GAS6: variants seen among roughly 807,000 people sequenced by gnomAD.
GAS6 encodes growth arrest-specific protein 6.
A neutral mutation model predicts 75.8 loss-of-function variants in GAS6; 41 were observed. The ratio of observed to expected loss-of-function variants is 0.54; its 90% CI spans 0.42 to 0.70. The LOEUF is 0.70. Ranked by LOEUF, GAS6 falls within the 30% of genes least tolerant of loss-of-function variation. The pLI, the probability that GAS6 is intolerant of heterozygous loss-of-function variation, is 0.00. For missense variants in GAS6, 854 were observed against 940.2 expected (o/e 0.91, Z 1.20); for synonymous variants, 432 against 412.6 (o/e 1.05, Z -0.57).
At chr13:113,842,747 G>T (rs1284799435) in intron 4 of GAS6, 2 of 397,080 alleles carry the variant, frequency 5.0e-6, no homozygotes, top group Non-Finnish European at 8.8e-6. Context: ...ATGTCTGGGG[G>T]ATGCTGTGCG....
Position 113,835,212 on chromosome 13 carries a change from G to A in GAS6, c.712+301C>T, listed in dbSNP as rs995814432. ...AGTAGAGGGAGGCTTGCTGCTCCCC[G>A]TCCCTTTGGGGAGAGGCCCCGTCTA... On this transcript the variant is annotated intron_variant, in intron 7 of 14. Transcript: ENST00000327773. Among the ~76,000 whole-genome samples, 8 of 152,224 alleles carry A rather than the reference G, an allele frequency of 5.3e-5. No homozygotes were observed. In the South Asian group the frequency reaches 1.2e-3, roughly 24 times the overall value.
intron 8 of GAS6, chr13:113,833,500 C>A: frequency 2.0e-6 from 2 of 993,418 alleles, no homozygotes; most frequent in Non-Finnish European, 2.4e-6. Flanking sequence ...AGGCACAGGC[C>A]CAGGCTGAAG....
intron 2 of GAS6, among the ~76,000 whole-genome samples, chr13:113,858,865 G>A (rs1051778150): frequency 8.1e-6 from 1 of 122,722 alleles, no homozygotes; most frequent in Non-Finnish European, 1.7e-5. Context: ...CATTATGCAT[G>A]TGTGTACATG....
Position 113,828,561 on chromosome 13 carries a change from C to T in GAS6, c.1294G>A (p.Asp432Asn), listed in dbSNP as rs575809095. The change falls in exon 11 of 15, where the codon GAC becomes AAC. Residue 432 changes from aspartate to asparagine, a missense_variant. Transcript: ENST00000327773. ...TVGGIPFHEK[D>N]LVQPINPRLD... is the part of the protein sequence containing the mutation. ...ACAGTACTCACAGGCTGCACGAGGT[C>T]CTTCTCATGGAAGGGAATACCTCCC... 1 of 1,613,346 alleles carries T rather than the reference C, an allele frequency of 6.2e-7. No individual in the cohort carries two copies. Among genetic ancestry groups the T allele is most frequent in the African/African-American group, 1.3e-5 (1 of 75,032 alleles).
Position 113,825,560 on chromosome 13 carries a change from G to C in GAS6, c.1477+1436C>G, listed in dbSNP as rs377180353. ...CCGGATAGACCAAAAAGGGCCGGCA[G>C]ACGCGGCCGGCAGTCACTGGAAATG... On this transcript the variant is annotated intron_variant, in intron 12 of 14. Transcript: ENST00000327773. Among the ~76,000 whole-genome samples the C allele has an allele frequency of 5.5e-3, 844 of 152,358 alleles. 6 individuals are homozygous for C. The highest frequency in any genetic ancestry group is 0.019 in the African/African-American group (802 of 41,584).
At chr13:113,836,828 TGGGGAGGAGGAGGGGGAGTGGG>T (rs1566363943) in intron 6 of GAS6, among the ~76,000 whole-genome samples, 1 of 62,094 alleles carries the variant, frequency 1.6e-5, no homozygotes, top group East Asian at 5.9e-4. Context: ...AGGAGGAAGA[TGGGGAGGAGGAGGGGGAGTGGG>T]GGGGAGGAGG....
chr13:113,844,648 C>T lies in GAS6; in HGVS notation c.343+1879G>A, dbSNP rs192847128. 2.0e-5 allele frequency: 3 copies of T among 149,802 alleles called. No homozygotes were observed. In the East Asian group the frequency reaches 5.8e-4, roughly 29 times the overall value. The allele number at this position is 149,802 out of a possible 1,614,324, so 9.3% of individuals were successfully genotyped here. Reference sequence around the variant, plus strand: ...TAGTTTTATTAAAAAATAAGCAAGACAACCAGAAAAAAGACTGAGGAGGGC... The same window carrying T: ...TAGTTTTATTAAAAAATAAGCAAGATAACCAGAAAAAAGACTGAGGAGGGC... On this transcript the variant is annotated intron_variant, in intron 4 of 14. Transcript: ENST00000327773. The surrounding 1 kb of genome is among the most constrained non-coding windows in gnomAD (Gnocchi z 5.7).
At chr13:113,859,554 A>G (rs898958982) in intron 2 of GAS6, among the ~76,000 whole-genome samples, 1 of 151,072 alleles carries the variant, frequency 6.6e-6, no homozygotes, top group Non-Finnish European at 1.5e-5. Flanking sequence ...GTGTGTGTGT[A>G]CGTATATCTA....
intron 5 of GAS6, among the ~76,000 whole-genome samples, chr13:113,838,462 G>A (rs1174493543): frequency 7.2e-6 from 1 of 139,130 alleles, no homozygotes; most frequent in African/African-American, 2.7e-5. Flanking sequence ...GGGAGCCCAG[G>A]GGTGCACAGC....
chr13:113,834,508 C>T (rs774283057), intron 8 of GAS6, 43 bp downstream of exon 8: 4 of 1,464,546 alleles, frequency 2.7e-6, no homozygotes, highest in South Asian at 2.8e-5. Context: ...GCGAGGGCCC[C>T]CGGAACCACC....
intron 7 of GAS6, among the ~76,000 whole-genome samples, chr13:113,835,080 C>T (rs1295613528): frequency 6.6e-6 from 1 of 152,242 alleles, no homozygotes; most frequent in Admixed American, 6.5e-5. Context: ...TCCCCACCCT[C>T]TCTGTCTGCC....
At chr13:113,850,613 A>G (rs2051865596) in intron 2 of GAS6, among the ~76,000 whole-genome samples, 1 of 151,982 alleles carries the variant, frequency 6.6e-6, no homozygotes, top group South Asian at 2.1e-4. Flanking sequence ...GAAAAAGACA[A>G]CATCTACCTG....
At chr13:113,860,053 G>A (rs2051958222) in intron 2 of GAS6, among the ~76,000 whole-genome samples, 3 of 152,224 alleles carry the variant, frequency 2.0e-5, no homozygotes, top group Admixed American at 2.0e-4. Context: ...TTCAGGATGA[G>A]CCAGCAAGTT....
At chr13:113,829,944 C>T (rs937463047) in intron 10 of GAS6, among the ~76,000 whole-genome samples, 4 of 151,962 alleles carry the variant, frequency 2.6e-5, no homozygotes, top group Non-Finnish European at 1.5e-5. Context: ...CTGATCCTCA[C>T]CTGAGCCAAG....
At chr13:113,821,800 A>C in intron 14 of GAS6, 158 bp downstream of exon 14, 1 of 613,290 alleles carries the variant, frequency 1.6e-6, no homozygotes, top group East Asian at 2.8e-5. Context: ...CATAATAGCC[A>C]CTAACGACCC....
intron 5 of GAS6, chr13:113,839,387 AGGTG>A (rs2051751318): frequency 4.1e-6 from 1 of 244,030 alleles, no homozygotes; most frequent in African/African-American, 2.5e-5. Flanking sequence ...GGACGGTCAG[AGGTG>A]AAATTTCCCC....
At chr13:113,846,872 G>C (rs979105171) in intron 3 of GAS6, 4 of 499,314 alleles carry the variant, frequency 8.0e-6, no homozygotes, top group Non-Finnish European at 1.5e-5. Flanking sequence ...CCATACGGGA[G>C]AATCACCGGG....
At chr13:113,850,580 A>G (rs2051865202) in intron 2 of GAS6, among the ~76,000 whole-genome samples, 1 of 152,204 alleles carries the variant, frequency 6.6e-6, no homozygotes, top group South Asian at 2.1e-4. Flanking sequence ...AAGCCACTGC[A>G]CTGTTAGCTG....
At chr13:113,834,460 G>C (rs761975602) in intron 8 of GAS6, 91 bp downstream of exon 8, 16 of 1,310,972 alleles carry the variant, frequency 1.2e-5, no homozygotes, top group South Asian at 1.7e-5. Flanking sequence ...GCAAAGGCCA[G>C]GTCTTCACGG....
Sources: gnomAD v4.1 joint callset for allele counts (sites outside exome capture counted in the v4.1 genomes callset) on GRCh38, gnomAD v4.1.1 for gene constraint, Gnocchi (gnomAD v3.1) non-coding constraint, MANE v1.5 for transcripts, NCBI Gene and HGNC (gene_info 2026-07-23, HGNC 2026-07-21) for gene names.